The following NPAS3 variants were observed in gnomAD, a reference collection of about 807,000 sequenced individuals.
NPAS3 encodes neuronal PAS domain protein 3.
A neutral mutation model predicts 73.1 loss-of-function variants in NPAS3; 14 were observed. The ratio of observed to expected loss-of-function variants is 0.19; its 90% CI spans 0.13 to 0.30. NPAS3 has a LOEUF of 0.30. NPAS3 is among the 10% of genes least tolerant of loss of function. The pLI is 1.00. For synonymous variants in NPAS3, 620 were observed against 541.5 expected (o/e 1.14, Z -2.01); for missense variants, 1,096 against 1,250.0 (o/e 0.88, Z 1.86).
At chr14:33,579,655 T>C (rs2056585050) in intron 5 of NPAS3, among the ~76,000 whole-genome samples, 1 of 152,252 alleles carries the variant, frequency 6.6e-6, no homozygotes, top group Non-Finnish European at 1.5e-5. Flanking sequence ...CTTTTTTTTT[T>C]CTTCATTTGA....
intron 5 of NPAS3, among the ~76,000 whole-genome samples, chr14:33,650,860 TGCAGGA>T (rs910194176): frequency 7.9e-5 from 12 of 152,200 alleles, no homozygotes; most frequent in Non-Finnish European, 1.3e-4. Flanking sequence ...GGGTCCTTGT[TGCAGGA>T]GCAGGAGCAG....
At chr14:33,769,072 C>T (rs971433204) in intron 7 of NPAS3, among the ~76,000 whole-genome samples, 1 of 152,090 alleles carries the variant, frequency 6.6e-6, no homozygotes, top group Admixed American at 6.5e-5. Context: ...GCAAGAGGAC[C>T]TCAATTTAGA....
At chr14:33,778,002 C>A (rs1279332778) in intron 8 of NPAS3, among the ~76,000 whole-genome samples, 1 of 152,202 alleles carries the variant, frequency 6.6e-6, no homozygotes, top group East Asian at 1.9e-4. Context: ...GACTTTGTGC[C>A]AAGAAGCTGC....
intron 1 of NPAS3, among the ~76,000 whole-genome samples, chr14:32,987,086 C>T (rs2038130295): frequency 6.6e-6 from 1 of 152,098 alleles, no homozygotes; most frequent in South Asian, 2.1e-4. Context: ...TAGCTAACTT[C>T]CCTGTGACAC....
At chr14:33,329,720 G>A (rs770242533) in intron 3 of NPAS3, among the ~76,000 whole-genome samples, 1 of 152,038 alleles carries the variant, frequency 6.6e-6, no homozygotes, top group African/African-American at 2.4e-5. Context: ...TGCTAAGTAC[G>A]ATGGAGAAGC....
At chr14:33,335,271 A>G (rs563400032) in intron 3 of NPAS3, among the ~76,000 whole-genome samples, 51 of 152,136 alleles carry the variant, frequency 3.4e-4, no homozygotes, top group Non-Finnish European at 5.6e-4. Context: ...TGATCCAGGC[A>G]GTTTATTCTT....
chr14:33,460,937 CA>C (rs1393501660), intron 4 of NPAS3, among the ~76,000 whole-genome samples: 1 of 152,110 alleles, frequency 6.6e-6, no homozygotes, highest in African/African-American at 2.4e-5. Flanking sequence ...TTTTTAAAAA[CA>C]ATCTTCTGTG....
intron 2 of NPAS3, among the ~76,000 whole-genome samples, chr14:33,113,812 A>G (rs1204402930): frequency 1.3e-5 from 2 of 152,110 alleles, no homozygotes; most frequent in East Asian, 1.9e-4. Flanking sequence ...GTTTGTCATA[A>G]ATAGCTCTTA....
intron 1 of NPAS3, among the ~76,000 whole-genome samples, chr14:32,993,452 C>T (rs1173910198): frequency 6.6e-6 from 1 of 152,094 alleles, no homozygotes; most frequent in African/African-American, 2.4e-5. Flanking sequence ...CAAATTCCTT[C>T]CTTTGTGTAG....
chr14:33,323,274 G>A (rs1007714785), intron 3 of NPAS3, among the ~76,000 whole-genome samples: 2 of 152,152 alleles, frequency 1.3e-5, no homozygotes, highest in African/African-American at 4.8e-5. Context: ...TGACTTTACA[G>A]AGTGTTCAGT....
chr14:33,083,852 C>T (rs187934283), intron 2 of NPAS3, among the ~76,000 whole-genome samples: 1 of 152,238 alleles, frequency 6.6e-6, no homozygotes, highest in Admixed American at 6.5e-5. Context: ...CCTCTCTATC[C>T]ACAGTAATTG....
At chr14:33,649,691 A>C (rs1370030399) in intron 5 of NPAS3, among the ~76,000 whole-genome samples, 17 of 152,220 alleles carry the variant, frequency 1.1e-4, no homozygotes, top group Non-Finnish European at 2.5e-4. Flanking sequence ...AATAAGAAGG[A>C]AGAAAGGCCA....
chr14:33,773,847 T>G (rs764900430), intron 7 of NPAS3, among the ~76,000 whole-genome samples: 1 of 152,224 alleles, frequency 6.6e-6, no homozygotes, highest in African/African-American at 2.4e-5. Context: ...TCATTGCCAC[T>G]GAGTGTTTTA....
intron 3 of NPAS3, among the ~76,000 whole-genome samples, chr14:33,259,957 G>A (rs1377391634): frequency 6.6e-6 from 1 of 151,788 alleles, no homozygotes; most frequent in Non-Finnish European, 1.5e-5. Flanking sequence ...AGGAGGAAAC[G>A]AAATCACAGG....
intron 2 of NPAS3, among the ~76,000 whole-genome samples, chr14:33,073,049 C>T (rs1359018213): frequency 1.3e-5 from 2 of 152,034 alleles, no homozygotes; most frequent in South Asian, 2.1e-4. Context: ...GATGGTGATG[C>T]CATCACTGCT....
chr14:33,692,060 A>T (rs966867001), intron 6 of NPAS3, among the ~76,000 whole-genome samples: 1 of 152,208 alleles, frequency 6.6e-6, no homozygotes, highest in African/African-American at 2.4e-5. Flanking sequence ...CTGACAAGAA[A>T]TATGACAGGA....
intron 5 of NPAS3, among the ~76,000 whole-genome samples, chr14:33,567,141 A>G (rs1567012080): frequency 6.6e-6 from 1 of 152,212 alleles, no homozygotes; most frequent in African/African-American, 2.4e-5. Context: ...ATTCTTGATT[A>G]GCCACTTCTT....
At chr14:33,431,227 C>T (rs555691356) in intron 4 of NPAS3, among the ~76,000 whole-genome samples, 3 of 152,310 alleles carry the variant, frequency 2.0e-5, no homozygotes, top group Admixed American at 1.3e-4. Flanking sequence ...AGTTCTACCA[C>T]ATCTGGCTTT....
intron 4 of NPAS3, among the ~76,000 whole-genome samples, chr14:33,475,935 C>T (rs565838394): frequency 5.3e-5 from 8 of 152,312 alleles, no homozygotes; most frequent in African/African-American, 1.9e-4. Flanking sequence ...CATAGCTATC[C>T]TCACTTTGAG....
Sources: allele counts gnomAD v4.1 joint callset (sites outside exome capture counted in the v4.1 genomes callset), GRCh38; gene constraint gnomAD v4.1.1; transcripts MANE v1.5; gene names NCBI Gene and HGNC (gene_info 2026-07-23, HGNC 2026-07-21).